PAN3: variants seen among roughly 807,000 people sequenced by gnomAD.
PAN3 encodes the protein PAN2-PAN3 deadenylation complex subunit PAN3.
Under a neutral mutation model 96.2 loss-of-function variants are expected in PAN3, and 19 were observed. That is an observed-to-expected ratio of 0.20 (90% CI 0.14 to 0.29). PAN3 has a LOEUF of 0.29. Among genes scored for constraint, PAN3 ranks in the 10% least tolerant of loss-of-function variants. The pLI is 1.00. For synonymous variants in PAN3, 433 were observed against 406.6 expected (o/e 1.06, Z -0.78); for missense variants, 882 against 1,108.1 (o/e 0.80, Z 2.90).
intron 1 of PAN3, among the ~76,000 whole-genome samples, chr13:28,172,000 A>G (rs1290100923): frequency 6.6e-6 from 1 of 152,234 alleles, no homozygotes; most frequent in Non-Finnish European, 1.5e-5. Context: ...CAGAGACCAA[A>G]TATTTGAACC....
chr13:28,277,680 A>G (rs192747096), intron 15 of PAN3, among the ~76,000 whole-genome samples: 115 of 152,330 alleles, frequency 7.5e-4, no homozygotes, highest in African/African-American at 2.3e-3. Context: ...TACTTCTTCA[A>G]TTACACTAGT....
At chr13:28,172,844 G>T (rs1874480002) in intron 1 of PAN3, among the ~76,000 whole-genome samples, 1 of 152,134 alleles carries the variant, frequency 6.6e-6, no homozygotes, top group African/African-American at 2.4e-5. Flanking sequence ...ATCACTTGAG[G>T]GCAGGAGTTC....
At position 28,271,985 on chromosome 13, in the gene PAN3, C is replaced by T; in HGVS notation, c.1963C>T (p.Arg655Ter). ...TAAATTATCTGGTCCTTAAAGGTTG[C>T]GAGTAAATTGTGTTGGAGTTTTTGA... ...KILITGKTRLRVNCVGVFDVL... is the reference protein window; with the variant it reads ...KILITGKTRL Residue 655 changes from arginine (R) to a stop codon, truncating the protein, a stop_gained, in exon 14 of 19, where the codon CGA becomes TGA. Coordinates refer to ENST00000380958, the MANE Select transcript of PAN3 (RefSeq NM_175854.8). LOFTEE classifies it high-confidence loss of function. The T allele has an allele frequency of 6.4e-7, 1 of 1,552,718 alleles. No homozygotes were observed. The highest frequency in any genetic ancestry group is 8.7e-7 in the Non-Finnish European group (1 of 1,144,078).
intron 6 of PAN3, among the ~76,000 whole-genome samples, chr13:28,246,858 A>G (rs1306466511): frequency 1.3e-5 from 2 of 152,062 alleles, no homozygotes; most frequent in Non-Finnish European, 2.9e-5. Context: ...TATCTCGGCT[A>G]TTGTGAATAG....
intron 7 of PAN3, among the ~76,000 whole-genome samples, chr13:28,260,233 C>T (rs1885580789): frequency 6.6e-6 from 1 of 151,598 alleles, no homozygotes; most frequent in South Asian, 2.1e-4. Context: ...CCTGTCTCTA[C>T]AAAAATACAA....
chr13:28,151,486 G>C (rs1871360361), intron 1 of PAN3, among the ~76,000 whole-genome samples: 1 of 151,904 alleles, frequency 6.6e-6, no homozygotes, highest in Non-Finnish European at 1.5e-5. Context: ...CTGCACTCCA[G>C]CCTAGGTGAC....
intron 6 of PAN3, among the ~76,000 whole-genome samples, chr13:28,244,736 T>C (rs1486277046): frequency 9.4e-6 from 1 of 106,888 alleles, no homozygotes; most frequent in Admixed American, 1.1e-4. Flanking sequence ...TGCAATTTCA[T>C]CCTTAATTGT....
At chr13:28,257,652 TA>T in intron 7 of PAN3, among the ~76,000 whole-genome samples, 1 of 136,804 alleles carries the variant, frequency 7.3e-6, no homozygotes, top group Non-Finnish European at 1.6e-5. Flanking sequence ...GTAAAATACA[TA>T]TATATTTTAT....
At chr13:28,171,145 G>T (rs1874251815) in intron 1 of PAN3, among the ~76,000 whole-genome samples, 1 of 152,110 alleles carries the variant, frequency 6.6e-6, no homozygotes, top group Non-Finnish European at 1.5e-5. Flanking sequence ...TTAACATTTT[G>T]ACATATTTAG....
chr13:28,165,274 T>TTA (rs965633214), intron 1 of PAN3, among the ~76,000 whole-genome samples: 1 of 150,860 alleles, frequency 6.6e-6, no homozygotes, highest in Non-Finnish European at 1.5e-5. Context: ...TGATTTATAC[T>TTA]TATATATCCT....
chr13:28,241,766 TGTA>T (rs1253696901), intron 6 of PAN3, among the ~76,000 whole-genome samples: 1 of 152,154 alleles, frequency 6.6e-6, no homozygotes, highest in African/African-American at 2.4e-5. Flanking sequence ...AATAAGTATT[TGTA>T]GTAGTAGCGC....
intron 1 of PAN3, among the ~76,000 whole-genome samples, chr13:28,173,699 A>G (rs1874591925): frequency 6.6e-6 from 1 of 152,220 alleles, no homozygotes; most frequent in South Asian, 2.1e-4. Flanking sequence ...AGGAAGTAGC[A>G]TCTAAGACAC....
At chr13:28,206,163 A>AT in intron 5 of PAN3, among the ~76,000 whole-genome samples, 1 of 152,128 alleles carries the variant, frequency 6.6e-6, no homozygotes, top group Non-Finnish European at 1.5e-5. Flanking sequence ...TGGTCAGTAC[A>AT]TTTGGAAAAC....
intron 6 of PAN3, among the ~76,000 whole-genome samples, chr13:28,233,224 A>G (rs941939616): frequency 1.2e-4 from 18 of 150,484 alleles, no homozygotes; most frequent in African/African-American, 3.4e-4. Context: ...GATTTTTGTG[A>G]TTTGCTTAGG....
chr13:28,281,533 C>A (rs989373374), intron 17 of PAN3, among the ~76,000 whole-genome samples, 154 bp downstream of exon 17: 2 of 152,134 alleles, frequency 1.3e-5, no homozygotes, highest in Non-Finnish European at 2.9e-5. Flanking sequence ...CTATTTTTAA[C>A]AACAGCCTAG....
At chr13:28,212,230 C>G (rs1880135932) in intron 5 of PAN3, among the ~76,000 whole-genome samples, 1 of 152,136 alleles carries the variant, frequency 6.6e-6, no homozygotes, top group African/African-American at 2.4e-5. Flanking sequence ...CGTGAAGCAC[C>G]AAGTAAGGCT....
Position 28,275,163 on chromosome 13 carries a change from ACT to A in PAN3, c.2050-2069_2050-2068del, listed in dbSNP as rs1035838221. Among the ~76,000 whole-genome samples, 5 of 151,920 alleles carry A rather than the reference ACT, an allele frequency of 3.3e-5. No individual in the cohort carries two copies. The South Asian group carries it at 6.2e-4, about 19-fold the overall frequency. On this transcript the variant is annotated intron_variant, in intron 14 of 18. Transcript: ENST00000380958. ...GAGTTACTGGGTTTTACGGTGTGAAACTCTCTTAAGATTTTATTAACTTCTTT... is the reference window on the plus strand; with the variant it reads ...GAGTTACTGGGTTTTACGGTGTGAAACTCTTAAGATTTTATTAACTTCTTT...
intron 18 of PAN3, among the ~76,000 whole-genome samples, chr13:28,288,956 A>AT (rs1314004693): frequency 6.7e-6 from 1 of 150,206 alleles, no homozygotes. Context: ...CCTCCCAAGT[A>AT]GCTGGGACTA....
intron 6 of PAN3, among the ~76,000 whole-genome samples, chr13:28,230,951 C>T (rs1195352632): frequency 1.3e-5 from 2 of 152,114 alleles, no homozygotes; most frequent in East Asian, 1.9e-4. Context: ...TTTGATGCTT[C>T]GTTTAAGTAA....
Sources: allele counts gnomAD v4.1 joint callset (sites outside exome capture counted in the v4.1 genomes callset), GRCh38; gene constraint gnomAD v4.1.1; transcripts MANE v1.5; gene names NCBI Gene and HGNC (gene_info 2026-07-23, HGNC 2026-07-21).